Variants in PCDH15 observed in about 807,000 individuals in gnomAD.
PCDH15 encodes the protein protocadherin-15.
In PCDH15, 129 loss-of-function variants were observed where a neutral mutation model predicts 178.5. The observed-to-expected ratio is 0.72, with a 90% CI of 0.63 to 0.84. The LOEUF (loss-of-function observed/expected upper bound fraction) is 0.84, where lower values mean the gene tolerates loss of function less well. Among genes scored for constraint, PCDH15 ranks in the 40% least tolerant of loss-of-function variants. The probability of loss-of-function intolerance (pLI) is 0.00; values close to 1 mark genes in which losing one functional copy is unlikely to be tolerated. For missense variants in PCDH15, 2,230 were observed against 2,099.9 expected, an observed-to-expected ratio of 1.06 and a Z score of -1.21; for synonymous variants, 800 against 732.0, an observed-to-expected ratio of 1.09 and a Z score of -1.50.
intron 3 of PCDH15, among the ~76,000 whole-genome samples, chr10:54,462,711 T>TA (rs2077272828): frequency 2.2e-5 from 3 of 136,724 alleles, no homozygotes; most frequent in African/African-American, 8.7e-5. Context: ...TTTTTTTTTT[T>TA]AAGTAGAGAC....
chr10:54,592,823 T>C lies in PCDH15; in HGVS notation c.92-64946A>G, dbSNP rs138892077. The stretch of plus-strand genomic sequence containing the variant: ...CATTCCCATCAATATGTCTTCCTTT[T>C]TCTCCACTTCCTTCACAAAATTTAT... On this transcript the variant is annotated intron_variant, in intron 2 of 37. Coordinates refer to ENST00000644397, the MANE Select transcript of PCDH15 (RefSeq NM_001384140.1). Among the ~76,000 whole-genome samples, 11 of 152,332 alleles carry C rather than the reference T, an allele frequency of 7.2e-5. No individual in the cohort carries two copies. In the East Asian group the frequency reaches 2.1e-3, roughly 29 times the overall value.
chr10:54,390,760 T>C (rs1246287952), intron 3 of PCDH15, among the ~76,000 whole-genome samples: 1 of 152,160 alleles, frequency 6.6e-6, no homozygotes, highest in Admixed American at 6.5e-5. Flanking sequence ...TGTCCAAATA[T>C]AGTTACTGTA....
At chr10:55,138,177 G>C (rs531266157) in intron 2 of PCDH15, among the ~76,000 whole-genome samples, 2 of 152,138 alleles carry the variant, frequency 1.3e-5, no homozygotes, top group Admixed American at 6.5e-5. Context: ...AAGACAATCA[G>C]TTATACTTTA....
At position 54,046,895 on chromosome 10, in the gene PCDH15, G is replaced by A. The variant is rs544368844; in HGVS notation, c.2220+19862C>T. Among the ~76,000 whole-genome samples the A allele has an allele frequency of 3.6e-3, 554 of 152,012 alleles. 4 individuals are homozygous for A. Among genetic ancestry groups the A allele is most frequent in the African/African-American group, 0.013 (529 of 41,448 alleles). On this transcript the variant is annotated intron_variant, in intron 18 of 37. Transcript: ENST00000644397. ...TTCTTTCTGTAAAACCAAGTTGGTT[G>A]CCAAGCTTATTCCTCAGGTAGGCAA...
intron 2 of PCDH15, among the ~76,000 whole-genome samples, chr10:54,917,318 A>G (rs757759215): frequency 9.2e-5 from 14 of 152,160 alleles, no homozygotes; most frequent in Non-Finnish European, 2.1e-4. Context: ...CTAAAACCAG[A>G]TAACTTAATT....
chr10:53,839,159 C>T lies in PCDH15; in HGVS notation c.3983+1161G>A, dbSNP rs375381226. 1.9e-4 allele frequency among the ~76,000 whole-genome samples: 28 copies of T among 145,290 alleles called. 1 individual carries two copies. In the East Asian group the frequency reaches 5.2e-3, roughly 27 times the overall value. On this transcript the variant is annotated intron_variant, in intron 29 of 37. Transcript: ENST00000644397. ...GTGGAGCTTGCAGTGAGCGAGATTG[C>T]GCCACTGCACTCCAGCCTGGGGCAC...
rs1301346707 is a variant in PCDH15 at position 54,801,226 on chromosome 10, A to G, written c.-330T>C. 1.3e-5 allele frequency: 2 copies of G among 152,202 alleles called. No homozygotes were observed. The highest frequency in any genetic ancestry group is 2.9e-5 in the Non-Finnish European group (2 of 68,032). 9.4% of individuals were successfully genotyped at this position (152,202 alleles called of 1,614,324 possible). A position where few individuals can be genotyped will look rare whatever the true frequency, so the allele number is the denominator to read the frequency against. On this transcript the variant is annotated 5_prime_UTR_variant, in exon 1 of 38. Transcript: ENST00000644397. Reference sequence around the variant, plus strand: ...CCACCTGCCTTAGTTACCACAAGCAACTAACACTAAGCTGCTAGCAGGAAT... The same window carrying G: ...CCACCTGCCTTAGTTACCACAAGCAGCTAACACTAAGCTGCTAGCAGGAAT...
intron 8 of PCDH15, among the ~76,000 whole-genome samples, chr10:54,276,561 T>C (rs967941970): frequency 2.6e-5 from 4 of 151,678 alleles, no homozygotes; most frequent in African/African-American, 9.7e-5. Flanking sequence ...GCATGTGAGA[T>C]AGTTGATGAT....
chr10:53,816,738 TTGTAA>T (rs2076073085), intron 34 of PCDH15, among the ~76,000 whole-genome samples: 1 of 152,194 alleles, frequency 6.6e-6, no homozygotes, highest in Non-Finnish European at 1.5e-5. Context: ...AACGATAAAG[TTGTAA>T]TGTATCTATC....
intron 17 of PCDH15, among the ~76,000 whole-genome samples, chr10:54,076,204 T>G (rs2094338978): frequency 1.3e-5 from 2 of 152,180 alleles, no homozygotes; most frequent in African/African-American, 2.4e-5. Context: ...CTGAGTATTT[T>G]ATTCTTTTGG....
chr10:54,386,639 A>G (rs1285672856), intron 3 of PCDH15, among the ~76,000 whole-genome samples: 1 of 152,190 alleles, frequency 6.6e-6, no homozygotes. Flanking sequence ...ATCTGATTGA[A>G]AAGTGTGTAA....
intron 1 of PCDH15, among the ~76,000 whole-genome samples, chr10:55,288,998 T>C (rs1275875114): frequency 2.6e-5 from 4 of 152,036 alleles, no homozygotes; most frequent in Admixed American, 2.6e-4. Context: ...TTAAATTTTA[T>C]AATTTGCTAT....
intron 1 of PCDH15, among the ~76,000 whole-genome samples, chr10:55,275,714 T>A (rs1377464279): frequency 2.0e-5 from 3 of 151,544 alleles, no homozygotes; most frequent in Non-Finnish European, 4.4e-5. Context: ...TCTTTTTTTT[T>A]TTTTCCTGTA....
At chr10:54,756,638 G>C (rs1171756110) in intron 1 of PCDH15, among the ~76,000 whole-genome samples, 2 of 152,050 alleles carry the variant, frequency 1.3e-5, no homozygotes, top group Admixed American at 6.6e-5. Context: ...TGACAAACTA[G>C]GATATGCTAA....
chr10:54,189,487 T>A, intron 11 of PCDH15: 1 of 644,002 alleles, frequency 1.6e-6, no homozygotes, highest in Non-Finnish European at 2.3e-6. Flanking sequence ...GACTGACAAT[T>A]TTTTTCAGAG....
intron 2 of PCDH15, among the ~76,000 whole-genome samples, chr10:55,007,103 T>C (rs1423444769): frequency 6.6e-6 from 1 of 152,132 alleles, no homozygotes; most frequent in African/African-American, 2.4e-5. Context: ...TCTTCCACTA[T>C]AATCTTAAGC....
intron 18 of PCDH15, among the ~76,000 whole-genome samples, chr10:54,049,269 T>C (rs776363993): frequency 1.3e-5 from 2 of 152,176 alleles, no homozygotes; most frequent in Non-Finnish European, 2.9e-5. Flanking sequence ...AGCCTTTTAA[T>C]GGAGTCTTTA....
intron 26 of PCDH15, among the ~76,000 whole-genome samples, chr10:53,883,279 T>C (rs1589237544): frequency 6.6e-6 from 1 of 152,314 alleles, no homozygotes; most frequent in East Asian, 1.9e-4. Context: ...ATCCATTTTT[T>C]TGTCATTAGC....
At chr10:54,778,389 G>A (rs951521624) in intron 1 of PCDH15, among the ~76,000 whole-genome samples, 5 of 152,076 alleles carry the variant, frequency 3.3e-5, no homozygotes, top group Non-Finnish European at 5.9e-5. Flanking sequence ...TCCATCAATA[G>A]TCCCGGGGTG....
Sources: gnomAD v4.1 joint callset for allele counts (sites outside exome capture counted in the v4.1 genomes callset) on GRCh38, gnomAD v4.1.1 for gene constraint, MANE v1.5 for transcripts, NCBI Gene and HGNC (gene_info 2026-07-23, HGNC 2026-07-21) for gene names.